SNX25: variants seen among roughly 807,000 people sequenced by gnomAD.
SNX25 encodes sorting nexin 25.
Under a neutral mutation model 113.7 loss-of-function variants are expected in SNX25, and 62 were observed. The ratio of observed to expected loss-of-function variants is 0.55; its 90% confidence interval spans 0.44 to 0.67. The LOEUF is 0.67. Ranked by LOEUF, SNX25 falls within the 30% of genes least tolerant of loss-of-function variation. The pLI is 0.00. For missense variants in SNX25, 1,014 were observed against 1,161.0 expected (o/e 0.87, Z 1.84); for synonymous variants, 421 against 436.2 (o/e 0.97, Z 0.43).
chr4:185,366,621 A>G (rs1469816612), downstream of SNX25: 2 of 152,226 alleles, frequency 1.3e-5, no homozygotes, highest in Non-Finnish European at 2.9e-5. Context: ...GAAATGCTGC[A>G]CACACTTATT....
At chr4:185,251,435 C>T (rs1342995896) in intron 2 of SNX25, among the ~76,000 whole-genome samples, 1 of 152,140 alleles carries the variant, frequency 6.6e-6, no homozygotes, top group African/African-American at 2.4e-5. Flanking sequence ...CACTGTTCTA[C>T]TTTTTGTCCC....
chr4:185,334,446 GGA>G lies in SNX25; in HGVS notation c.1914+1689_1914+1690del, dbSNP rs2095216764. 6.6e-6 allele frequency among the ~76,000 whole-genome samples: 1 copy of G among 152,278 alleles called. No individual in the cohort carries two copies. The highest frequency in any genetic ancestry group is 1.5e-5 in the Non-Finnish European group (1 of 68,024). On this transcript the variant is annotated intron_variant, in intron 10 of 18. Coordinates refer to ENST00000652585, the MANE Select transcript of SNX25 (RefSeq NM_001378034.2). This position sits in a 1 kb window ranked among gnomAD's most constrained non-coding sequence, Gnocchi z 4.2. The stretch of plus-strand genomic sequence containing the variant: ...AAATAGTTCATTCTCCCCCTTATGT[GGA>G]GTCACTCCCATTTACTACATACAGA...
Position 185,312,810 on chromosome 4 carries a change from C to A in SNX25, c.1344+1994C>A, listed in dbSNP as rs190225832. Among the ~76,000 whole-genome samples, 147 of 152,318 alleles carry A rather than the reference C, an allele frequency of 9.7e-4. 4 individuals are homozygous for A. Among genetic ancestry groups the A allele is most frequent in the Admixed American group, 9.6e-3 (147 of 15,306 alleles). On this transcript the variant is annotated intron_variant, in intron 7 of 18. Coordinates refer to ENST00000652585, the MANE Select transcript of SNX25 (RefSeq NM_001378034.2). ...AGTGTGTTGGGATTACAGGCGTGAG[C>A]CACTGCGCCTGGCCTTGATTTGTTC...
chr4:185,377,083 G>A, the SNX25 span: 2 of 1,149,222 alleles, frequency 1.7e-6, no homozygotes, highest in South Asian at 2.5e-5. Flanking sequence ...TTGAAGTAAT[G>A]AATCATATAA....
chr4:185,258,428 G>A (rs764272770), intron 2 of SNX25, among the ~76,000 whole-genome samples: 24 of 152,224 alleles, frequency 1.6e-4, no homozygotes, highest in East Asian at 1.5e-3. Flanking sequence ...TTATGCCAGC[G>A]GGCAAAGAAA....
At chr4:185,376,760 T>C in the SNX25 span, 1 of 600,056 alleles carries the variant, frequency 1.7e-6, no homozygotes, top group South Asian at 2.2e-5. Context: ...GGCAGCACTG[T>C]ATCCTACTGT....
At position 185,339,426 on chromosome 4, in the gene SNX25, C is replaced by T; in HGVS notation, c.1962C>T (p.Arg654=). 2 of 1,614,038 alleles carry T rather than the reference C, an allele frequency of 1.2e-6. No individual in the cohort carries two copies. ...KDEIILIEKE[R]TDLQLHMART... ...AAATAATCCTAATAGAGAAAGAACG[C>T]ACAGACCTTCAGCTGCACATGGCAA... The change falls in exon 11 of 19, where the codon CGC becomes CGT. Residue 654 remains arginine (R), a synonymous_variant. Coordinates refer to ENST00000652585, the MANE Select transcript of SNX25 (RefSeq NM_001378034.2).
At chr4:185,368,162 A>G (rs184766076), downstream of SNX25, among the ~76,000 whole-genome samples, 1 of 152,296 alleles carries the variant, frequency 6.6e-6, no homozygotes, top group East Asian at 1.9e-4. Flanking sequence ...TGGGCAACAG[A>G]GCCAGACTCC....
intron 1 of SNX25, among the ~76,000 whole-genome samples, chr4:185,218,829 T>G (rs1053654073): frequency 2.0e-5 from 3 of 152,204 alleles, no homozygotes; most frequent in African/African-American, 7.2e-5. Flanking sequence ...GTAACCTGAA[T>G]TTCTGTAGTT....
intron 14 of SNX25, among the ~76,000 whole-genome samples, chr4:185,351,914 G>C (rs1176663293): frequency 1.3e-5 from 2 of 150,234 alleles, no homozygotes; most frequent in African/African-American, 2.4e-5. Flanking sequence ...TGCGGGGTGG[G>C]GGGGTTCATG....
intron 3 of SNX25, among the ~76,000 whole-genome samples, chr4:185,262,662 G>A (rs973189564): frequency 7.9e-5 from 12 of 152,156 alleles, no homozygotes; most frequent in African/African-American, 1.9e-4. Context: ...TAGAATACAC[G>A]TGATGATGTC....
intron 1 of SNX25, among the ~76,000 whole-genome samples, chr4:185,228,336 G>A (rs1176897070): frequency 6.6e-6 from 1 of 152,034 alleles, no homozygotes; most frequent in South Asian, 2.1e-4. Context: ...AGACATGCCT[G>A]GGGGGCAGGA....
In SNX25 at chr4:185,347,171, TTGA is replaced by T. The variant is rs1437877578; in HGVS notation, c.2301+525_2301+527del. On this transcript the variant is annotated intron_variant, in intron 13 of 18. Coordinates refer to ENST00000652585, the MANE Select transcript of SNX25 (RefSeq NM_001378034.2). ...ACTGCATTCCAAATTCATTCCGTTG[TTGA>T]TGAGCCTTTGGCTCCTTTCCACTCT... Among the ~76,000 whole-genome samples the T allele has an allele frequency of 2.0e-5, 3 of 152,372 alleles. No individual in the cohort carries two copies. The East Asian group carries it at 5.8e-4, about 29-fold the overall frequency.
intron 1 of SNX25, among the ~76,000 whole-genome samples, chr4:185,216,526 T>G (rs1474733505): frequency 1.4e-5 from 2 of 148,076 alleles, no homozygotes; most frequent in Non-Finnish European, 3.0e-5. Context: ...TTTTTTTTTT[T>G]TTTTTTTTTT....
rs771110012 is a variant in SNX25 at position 185,341,985 on chromosome 4, G to A, written c.2056G>A (p.Glu686Lys). ...TGATGTTTTCCCCAAGGTTACAGAAGAGAATGGTGAGCAATTGCCATGTTA... is the reference window on the plus strand; with the variant it reads ...TGATGTTTTCCCCAAGGTTACAGAAAAGAATGGTGAGCAATTGCCATGTTA... ...ASITSGEVTEENGEQLPCYFV... is the reference protein window; with the variant it reads ...ASITSGEVTEKNGEQLPCYFV... The change falls in exon 12 of 19, where the codon GAG becomes AAG. Residue 686 changes from glutamate to lysine, a missense_variant. Coordinates refer to ENST00000652585, the MANE Select transcript of SNX25 (RefSeq NM_001378034.2). 3.1e-6 allele frequency: 5 copies of A among 1,596,164 alleles called. No homozygotes were observed.
chr4:185,250,650 A>G (rs1358185095), intron 2 of SNX25, among the ~76,000 whole-genome samples: 4 of 151,792 alleles, frequency 2.6e-5, no homozygotes, highest in African/African-American at 9.7e-5. Context: ...ATTCCCTTCT[A>G]ATTGCTAAGT....
downstream of SNX25, among the ~76,000 whole-genome samples, chr4:185,375,086 GAAAAT>G (rs2095428803): frequency 2.0e-5 from 3 of 151,878 alleles, no homozygotes; most frequent in Non-Finnish European, 4.4e-5. Context: ...CCCAAAAGAA[GAAAAT>G]AATATTGGAC....
chr4:185,277,923 G>A (rs1749985253), intron 5 of SNX25, among the ~76,000 whole-genome samples: 1 of 68,064 alleles, frequency 1.5e-5, no homozygotes, highest in South Asian at 6.5e-4. Context: ...TAGTAGAGAC[G>A]GGGTTTCACC....
chr4:185,314,324 C>CA (rs35324892), intron 7 of SNX25, among the ~76,000 whole-genome samples: 41,992 of 75,440 alleles, frequency 0.56, 10,381 homozygotes, highest in South Asian at 0.58. Context: ...CCCCTCTCTA[C>CA]AAAAAAAAAA....
Sources: gnomAD v4.1 joint callset for allele counts (sites outside exome capture counted in the v4.1 genomes callset) on GRCh38, gnomAD v4.1.1 for gene constraint, Gnocchi (gnomAD v3.1) non-coding constraint, MANE v1.5 for transcripts, NCBI Gene and HGNC (gene_info 2026-07-23, HGNC 2026-07-21) for gene names.